The following PARD3B variants were observed in gnomAD, a reference collection of about 807,000 sequenced individuals.
The protein encoded by PARD3B is partitioning defective 3 homolog B.
A neutral mutation model predicts 130.2 loss-of-function variants in PARD3B; 103 were observed. That is an observed-to-expected ratio of 0.79 (90% confidence interval 0.67 to 0.93). The LOEUF (loss-of-function observed/expected upper bound fraction) is 0.93. Ranked by LOEUF, PARD3B falls within the 40% of genes least tolerant of loss-of-function variation. The probability of loss-of-function intolerance (pLI) is 0.00; values close to 1 mark genes in which losing one functional copy is unlikely to be tolerated. For missense variants in PARD3B, 1,609 were observed against 1,499.2 expected (o/e 1.07, Z -1.21); for synonymous variants, 583 against 553.2 (o/e 1.05, Z -0.76).
intron 1 of PARD3B, among the ~76,000 whole-genome samples, chr2:204,632,800 C>A (rs2034728519): frequency 6.6e-6 from 1 of 152,226 alleles, no homozygotes; most frequent in African/African-American, 2.4e-5. Flanking sequence ...TGGGCCATCA[C>A]CCCACCCTGC....
chr2:205,033,158 G>A (rs1179837389), intron 3 of PARD3B, among the ~76,000 whole-genome samples: 1 of 152,074 alleles, frequency 6.6e-6, no homozygotes, highest in Admixed American at 6.6e-5. Flanking sequence ...GCCCTAATGA[G>A]CCATCCCAAA....
intron 16 of PARD3B, among the ~76,000 whole-genome samples, chr2:205,270,541 T>A (rs527655154): frequency 2.0e-5 from 3 of 151,486 alleles, no homozygotes; most frequent in Admixed American, 6.6e-5. Flanking sequence ...CACTCCAGCC[T>A]GTGTGACAGA....
chr2:205,591,701 G>T lies in PARD3B; in HGVS notation c.3261-23755G>T, dbSNP rs559788819. On this transcript the variant is annotated intron_variant, in intron 22 of 22. Coordinates refer to ENST00000406610, the MANE Select transcript of PARD3B (RefSeq NM_001302769.2). The surrounding 1 kb of genome is among the most constrained non-coding windows in gnomAD (Gnocchi z 4.2). ...GACAGGATTGCTGAGCTCAAGGTTG[G>T]CTGGAACCTAAACACAGACATACAA... Among the ~76,000 whole-genome samples the T allele has an allele frequency of 2.0e-4, 31 of 152,312 alleles. No homozygotes were observed. The South Asian group carries it at 6.4e-3, about 32-fold the overall frequency.
At chr2:204,803,624 C>T (rs897867506) in intron 2 of PARD3B, among the ~76,000 whole-genome samples, 3 of 152,030 alleles carry the variant, frequency 2.0e-5, no homozygotes, top group Non-Finnish European at 4.4e-5. Context: ...TTTATGCAAC[C>T]AGTGTTGTCG....
At chr2:205,060,986 G>A (rs920092947) in intron 4 of PARD3B, among the ~76,000 whole-genome samples, 5 of 152,056 alleles carry the variant, frequency 3.3e-5, no homozygotes, top group African/African-American at 1.2e-4. Flanking sequence ...GGACTTTAGT[G>A]GTTGGAGCTT....
intron 3 of PARD3B, 128 bp downstream of exon 3, chr2:204,965,451 A>C: frequency 3.7e-6 from 4 of 1,067,302 alleles, no homozygotes; most frequent in Non-Finnish European, 5.3e-6. Flanking sequence ...CTTTTCTTTA[A>C]ATTATTTTTT....
intron 20 of PARD3B, among the ~76,000 whole-genome samples, chr2:205,474,532 G>A (rs2048960748): frequency 6.6e-6 from 1 of 152,088 alleles, no homozygotes; most frequent in Admixed American, 6.6e-5. Flanking sequence ...CATGATAACT[G>A]TATCTTAATT....
intron 20 of PARD3B, among the ~76,000 whole-genome samples, chr2:205,471,353 C>CTTTTTTTTTTT (rs769669913): frequency 1.2e-5 from 1 of 85,406 alleles, no homozygotes; most frequent in Non-Finnish European, 2.3e-5. Context: ...ACTCACTTTT[C>CTTTTTTTTTTT]TTTTTTTTTT....
chr2:204,999,144 ATC>A (rs1694619633), intron 3 of PARD3B, among the ~76,000 whole-genome samples: 2 of 147,942 alleles, frequency 1.4e-5, no homozygotes, highest in African/African-American at 5.0e-5. Context: ...GGATGTCTGT[ATC>A]TGTTTTTAAG....
At chr2:205,354,399 T>G (rs1167314976) in intron 18 of PARD3B, among the ~76,000 whole-genome samples, 1 of 151,860 alleles carries the variant, frequency 6.6e-6, no homozygotes, top group East Asian at 1.9e-4. Flanking sequence ...ACATGGCACA[T>G]GTATACATAT....
At chr2:204,611,652 A>G (rs774540702) in intron 1 of PARD3B, among the ~76,000 whole-genome samples, 7 of 152,206 alleles carry the variant, frequency 4.6e-5, no homozygotes, top group African/African-American at 1.2e-4. Context: ...TATATAAACA[A>G]CGAAAGGAAG....
chr2:204,841,239 A>AT (rs2044250109), intron 2 of PARD3B, among the ~76,000 whole-genome samples: 1 of 152,088 alleles, frequency 6.6e-6, no homozygotes, highest in Non-Finnish European at 1.5e-5. Context: ...TTACTAGTGC[A>AT]TGGAAGCTCC....
At chr2:205,311,158 G>A (rs1415638769) in intron 18 of PARD3B, among the ~76,000 whole-genome samples, 2 of 152,110 alleles carry the variant, frequency 1.3e-5, no homozygotes, top group African/African-American at 2.4e-5. Flanking sequence ...ATATCTTCTC[G>A]ACATACCAAT....
chr2:205,461,425 A>C lies in PARD3B; in HGVS notation c.3044+20753A>C, dbSNP rs2048449944. Among the ~76,000 whole-genome samples, 1 of 152,122 alleles carries C rather than the reference A, an allele frequency of 6.6e-6. No individual in the cohort carries two copies. Among genetic ancestry groups the C allele is most frequent in the African/African-American group, 2.4e-5 (1 of 41,440 alleles). On this transcript the variant is annotated intron_variant, in intron 20 of 22. Coordinates refer to ENST00000406610, the MANE Select transcript of PARD3B (RefSeq NM_001302769.2). The surrounding 1 kb of genome is among the most constrained non-coding windows in gnomAD (Gnocchi z 4.3). ...CCTGGCGCCTTTCTTCCCTTCATTG[A>C]ACCAAGAGGTATTCCCTAGCACGGA...
intron 1 of PARD3B, among the ~76,000 whole-genome samples, chr2:204,619,174 A>G (rs751211596): frequency 3.3e-5 from 5 of 152,132 alleles, no homozygotes; most frequent in Non-Finnish European, 7.3e-5. Context: ...CAAGGTTGCA[A>G]TGCTGAGAAT....
intron 1 of PARD3B, among the ~76,000 whole-genome samples, chr2:204,662,456 C>A (rs2035852184): frequency 6.6e-6 from 1 of 152,104 alleles, no homozygotes; most frequent in Non-Finnish European, 1.5e-5. Flanking sequence ...CCATCATCTG[C>A]CTTTCAGTCA....
intron 3 of PARD3B, among the ~76,000 whole-genome samples, chr2:205,039,792 G>T (rs186340668): frequency 1.8e-3 from 269 of 152,250 alleles, no homozygotes; most frequent in African/African-American, 5.6e-3. Flanking sequence ...TAGATGAAAA[G>T]AATTGCTGCT....
intron 6 of PARD3B, among the ~76,000 whole-genome samples, chr2:205,114,764 T>G (rs1048880220): frequency 3.9e-5 from 6 of 152,130 alleles, no homozygotes; most frequent in Non-Finnish European, 7.4e-5. Context: ...TTTTTTTTTT[T>G]TTTGCAAATA....
intron 15 of PARD3B, among the ~76,000 whole-genome samples, chr2:205,206,040 C>T (rs1327861969): frequency 6.6e-6 from 1 of 152,030 alleles, no homozygotes; most frequent in Non-Finnish European, 1.5e-5. Flanking sequence ...CCTCTTTGTA[C>T]CTCTGGTAGA....
Sources: allele counts gnomAD v4.1 joint callset (sites outside exome capture counted in the v4.1 genomes callset), GRCh38; gene constraint gnomAD v4.1.1; non-coding constraint Gnocchi (gnomAD v3.1); transcripts MANE v1.5; gene names NCBI Gene and HGNC (gene_info 2026-07-23, HGNC 2026-07-21).